Variants in CDK14 observed in about 807,000 individuals in gnomAD.
The protein encoded by CDK14 is cyclin dependent kinase 14, also known as cyclin-dependent kinase 14.
A neutral mutation model predicts 60.7 loss-of-function variants in CDK14; 34 were observed. That is an observed-to-expected ratio of 0.56 (90% CI 0.43 to 0.75). CDK14 has a LOEUF of 0.75. CDK14 is among the 30% of genes least tolerant of loss of function. The pLI is 0.00. For missense variants in CDK14, 482 were observed against 564.1 expected (o/e 0.85, Z 1.47); for synonymous variants, 197 against 203.7 (o/e 0.97, Z 0.28).
intron 2 of CDK14, among the ~76,000 whole-genome samples, chr7:90,668,188 T>G (rs1230300034): frequency 6.6e-6 from 1 of 152,210 alleles, no homozygotes; most frequent in Non-Finnish European, 1.5e-5. Context: ...ATACCTGTTG[T>G]CTGTTTGATT....
intron 10 of CDK14, among the ~76,000 whole-genome samples, chr7:90,993,385 G>A (rs184760843): frequency 4.6e-5 from 7 of 152,180 alleles, no homozygotes; most frequent in Admixed American, 4.6e-4. Flanking sequence ...ATGAAAACCA[G>A]TATATTTGTA....
chr7:90,612,788 A>C (rs1017630296), intron 2 of CDK14, among the ~76,000 whole-genome samples: 1 of 151,734 alleles, frequency 6.6e-6, no homozygotes, highest in Non-Finnish European at 1.5e-5. Context: ...AAAAAAAAAA[A>C]AAAAAGATTT....
chr7:91,039,806 T>C (rs1478077623), intron 10 of CDK14, among the ~76,000 whole-genome samples: 1 of 152,098 alleles, frequency 6.6e-6, no homozygotes, highest in African/African-American at 2.4e-5. Context: ...AAAATTTCCT[T>C]CTTGGCCGGG....
At chr7:91,166,031 G>A (rs1801336752) in intron 14 of CDK14, among the ~76,000 whole-genome samples, 1 of 152,282 alleles carries the variant, frequency 6.6e-6, no homozygotes, top group Non-Finnish European at 1.5e-5. Flanking sequence ...ATTTGTGGGT[G>A]CCCTTCAAAC....
intron 5 of CDK14, among the ~76,000 whole-genome samples, chr7:90,849,323 C>T (rs919484168): frequency 5.3e-5 from 8 of 151,918 alleles, no homozygotes; most frequent in African/African-American, 1.5e-4. Context: ...CACAAGAAGC[C>T]GAGCAGATGT....
chr7:90,904,973 G>A (rs1010100209), intron 7 of CDK14, among the ~76,000 whole-genome samples: 2 of 152,006 alleles, frequency 1.3e-5, no homozygotes, highest in Admixed American at 6.6e-5. Context: ...GAAGTATGAA[G>A]GTAAAATTAC....
chr7:90,649,353 C>T (rs867213530), intron 2 of CDK14, among the ~76,000 whole-genome samples: 6 of 47,654 alleles, frequency 1.3e-4, no homozygotes, highest in Non-Finnish European at 1.7e-4. Context: ...TCCTTCCTTC[C>T]TTCCTTCCTT....
chr7:90,682,570 T>C (rs1801338618), intron 2 of CDK14, among the ~76,000 whole-genome samples: 1 of 152,234 alleles, frequency 6.6e-6, no homozygotes. Flanking sequence ...AGTATGTTTA[T>C]ACCTATTCAG....
intron 2 of CDK14, among the ~76,000 whole-genome samples, chr7:90,629,216 C>G (rs1042444071): frequency 6.6e-6 from 1 of 152,062 alleles, no homozygotes; most frequent in Non-Finnish European, 1.5e-5. Flanking sequence ...CTTATGTCTC[C>G]AAGTTAATAA....
At chr7:91,145,734 T>C (rs1800606074) in intron 14 of CDK14, among the ~76,000 whole-genome samples, 1 of 152,174 alleles carries the variant, frequency 6.6e-6, no homozygotes, top group Admixed American at 6.5e-5. Flanking sequence ...AACAAGAAGC[T>C]GCTCATCTTC....
At chr7:90,663,523 G>A (rs779666849) in intron 2 of CDK14, among the ~76,000 whole-genome samples, 1 of 152,062 alleles carries the variant, frequency 6.6e-6, no homozygotes, top group Admixed American at 6.6e-5. Context: ...TTGTTTTCTT[G>A]TCTCCATTTT....
rs762501396 is a variant in CDK14 at position 90,596,636 on chromosome 7, C to T, written c.9C>T (p.Asp3=). The change falls in exon 1 of 15, where the codon GAC becomes GAT. Residue 3 remains aspartate, a synonymous_variant. Transcript: ENST00000380050. ...GGCTCCGCGTCGCCCAGATGTGTGA[C>T]CTCATTGAGCCGCAGCCGGCCGAGA... MC[D]LIEPQPAEKI... 1.6e-4 allele frequency: 256 copies of T among 1,611,750 alleles called. No homozygotes were observed. The highest frequency in any genetic ancestry group is 2.1e-4 in the Non-Finnish European group (243 of 1,179,182).
intron 8 of CDK14, among the ~76,000 whole-genome samples, chr7:90,953,162 T>C (rs545184829): frequency 6.8e-6 from 1 of 147,808 alleles, no homozygotes; most frequent in East Asian, 2.0e-4. Flanking sequence ...TGTTCATCAA[T>C]ATAGAGGACA....
At chr7:91,143,808 A>G (rs1800540268) in intron 14 of CDK14, among the ~76,000 whole-genome samples, 1 of 152,150 alleles carries the variant, frequency 6.6e-6, no homozygotes, top group South Asian at 2.1e-4. Flanking sequence ...GAGTAATTTC[A>G]TTTAATCCTC....
intron 12 of CDK14, among the ~76,000 whole-genome samples, chr7:91,104,578 T>C (rs1799233223): frequency 6.6e-6 from 1 of 152,188 alleles, no homozygotes; most frequent in Non-Finnish European, 1.5e-5. Flanking sequence ...AAAAAGATTG[T>C]CCAGTTCCCT....
intron 6 of CDK14, among the ~76,000 whole-genome samples, chr7:90,874,121 C>T (rs1239610393): frequency 1.3e-5 from 2 of 152,048 alleles, no homozygotes; most frequent in African/African-American, 2.4e-5. Context: ...CCAGGCATGC[C>T]CTTCCCCTCT....
intron 4 of CDK14, among the ~76,000 whole-genome samples, chr7:90,782,812 C>T (rs903680263): frequency 5.9e-5 from 9 of 152,182 alleles, no homozygotes; most frequent in Admixed American, 2.6e-4. Context: ...ATTTTTGTCT[C>T]AACATAAGGA....
chr7:91,123,416 C>G (rs1799842399), intron 14 of CDK14, among the ~76,000 whole-genome samples: 1 of 152,060 alleles, frequency 6.6e-6, no homozygotes, highest in Non-Finnish European at 1.5e-5. Flanking sequence ...GGAAACAAAC[C>G]TTAGTGTTCT....
intron 14 of CDK14, among the ~76,000 whole-genome samples, chr7:91,136,068 G>A (rs1166495833): frequency 6.6e-6 from 1 of 151,982 alleles, no homozygotes; most frequent in Non-Finnish European, 1.5e-5. Context: ...GATCATTTTT[G>A]CCCCATTTCC....
Sources: gnomAD v4.1 joint callset for allele counts (sites outside exome capture counted in the v4.1 genomes callset) on GRCh38, gnomAD v4.1.1 for gene constraint, MANE v1.5 for transcripts, NCBI Gene and HGNC (gene_info 2026-07-23, HGNC 2026-07-21) for gene names.